The following POMT2 variants were observed in gnomAD, a reference collection of about 807,000 sequenced individuals.
The protein encoded by POMT2 is protein O-mannosyl-transferase 2.
A neutral mutation model predicts 100.0 loss-of-function variants in POMT2; 75 were observed. That is an observed-to-expected ratio of 0.75 (90% CI 0.62 to 0.91). POMT2 has a LOEUF of 0.91. POMT2 is among the 40% of genes least tolerant of loss of function. The pLI is 0.00. For missense variants in POMT2, 940 were observed against 955.1 expected (o/e 0.98, Z 0.21); for synonymous variants, 378 against 374.1 (o/e 1.01, Z -0.12).
At chr14:77,313,648 CTGTT>C (rs1490263997) in intron 1 of POMT2, among the ~76,000 whole-genome samples, 2 of 152,188 alleles carry the variant, frequency 1.3e-5, no homozygotes, top group African/African-American at 4.8e-5. Context: ...GTTTTTAAAT[CTGTT>C]TGGGAACATA....
chr14:77,280,485 A>G lies in POMT2; in HGVS notation c.1654-22T>C. ...TCCCCTGCATGAAGGTAGCAAAGAA[A>G]GCTAGTCAAGACAGAGATCTAGAGG... On this transcript the variant is annotated intron_variant, in intron 15 of 20. Coordinates refer to ENST00000261534, the MANE Select transcript of POMT2 (RefSeq NM_013382.7). 1.9e-6 allele frequency: 3 copies of G among 1,614,180 alleles called. No homozygotes were observed. The South Asian group carries it at 3.3e-5, about 18-fold the overall frequency.
intron 1 of POMT2, 164 bp from the exon 2 acceptor site, chr14:77,312,197 AAGAC>A (rs1891461046): frequency 1.6e-6 from 2 of 1,227,288 alleles, no homozygotes; most frequent in East Asian, 5.6e-5. Flanking sequence ...TTTAGGAAGA[AAGAC>A]ATCAAGCTGG....
chr14:77,285,279 C>A, intron 13 of POMT2: 1 of 752,520 alleles, frequency 1.3e-6, no homozygotes. Flanking sequence ...AAATGTTGAA[C>A]TATCAGAACA....
At chr14:77,299,423 G>A in intron 7 of POMT2, 32 bp downstream of exon 7, 2 of 1,593,502 alleles carry the variant, frequency 1.3e-6, no homozygotes, top group Non-Finnish European at 1.7e-6. Flanking sequence ...AGGAAAACCA[G>A]AAGCAAGATG....
intron 8 of POMT2, among the ~76,000 whole-genome samples, chr14:77,296,980 TCA>T (rs1890854919): frequency 2.6e-5 from 4 of 152,348 alleles, no homozygotes; most frequent in South Asian, 4.1e-4. Context: ...GAAGATGGCT[TCA>T]CACACTGACA....
At chr14:77,308,104 C>T (rs1891292214) in intron 2 of POMT2, among the ~76,000 whole-genome samples, 1 of 151,270 alleles carries the variant, frequency 6.6e-6, no homozygotes, top group Admixed American at 6.6e-5. Flanking sequence ...TCATGATCCA[C>T]CCGCCTCAGC....
intron 1 of POMT2, among the ~76,000 whole-genome samples, chr14:77,319,779 C>T (rs909828671): frequency 6.6e-6 from 1 of 152,226 alleles, no homozygotes; most frequent in Non-Finnish European, 1.5e-5. Flanking sequence ...GGAGTCTCAT[C>T]TTCTGCCAGC....
intron 5 of POMT2, among the ~76,000 whole-genome samples, chr14:77,302,581 G>A (rs992158329): frequency 3.9e-5 from 6 of 151,998 alleles, no homozygotes; most frequent in East Asian, 3.8e-4. Flanking sequence ...ATAATAATAC[G>A]CTTGAAAAAG....
chr14:77,308,709 A>G, intron 2 of POMT2: 1 of 430,056 alleles, frequency 2.3e-6, no homozygotes, highest in Non-Finnish European at 4.6e-6. Context: ...GTGGGGAAGA[A>G]AGCACTGTCA....
rs4540995 is a variant in POMT2, at chr14:77,280,469, T to G, written c.1654-6A>C. 12 of 1,614,074 alleles carry G rather than the reference T, an allele frequency of 7.4e-6. No homozygotes were observed. In the Admixed American group the frequency reaches 1.0e-4, roughly 13 times the overall value. On this transcript the variant is annotated splice_region_variant and splice_polypyrimidine_tract_variant and intron_variant, in intron 15 of 20. Transcript: ENST00000261534. ...GGTTTGAGGCCACTGTTCCCCTGCA[T>G]GAAGGTAGCAAAGAAAGCTAGTCAA...
At chr14:77,287,102 G>A (rs943123413) in intron 11 of POMT2, 2 of 459,250 alleles carry the variant, frequency 4.4e-6, no homozygotes, top group South Asian at 4.2e-5. Flanking sequence ...GAGGTGGGGG[G>A]CGACTTTCAC....
intron 1 of POMT2, among the ~76,000 whole-genome samples, chr14:77,314,428 C>A (rs1891553385): frequency 6.6e-6 from 1 of 152,212 alleles, no homozygotes; most frequent in African/African-American, 2.4e-5. Flanking sequence ...AAGACTTTGT[C>A]TTCTGTCAGC....
At chr14:77,286,627 G>A in intron 12 of POMT2, 117 bp downstream of exon 12, 3 of 1,452,614 alleles carry the variant, frequency 2.1e-6, no homozygotes, top group South Asian at 1.2e-5. Flanking sequence ...GAGTCCCTGT[G>A]CAGCCTCTTA....
At chr14:77,285,332 A>G in intron 13 of POMT2, 149 bp downstream of exon 13, 1 of 1,079,148 alleles carries the variant, frequency 9.3e-7, no homozygotes, top group Non-Finnish European at 1.3e-6. Flanking sequence ...GCTCCATAAT[A>G]CACCTGATAT....
At chr14:77,315,966 G>A (rs528132415) in intron 1 of POMT2, among the ~76,000 whole-genome samples, 35 of 152,198 alleles carry the variant, frequency 2.3e-4, no homozygotes, top group Non-Finnish European at 4.1e-4. Flanking sequence ...AGCTGAAATT[G>A]CGCCACTGCA....
At chr14:77,298,620 G>C (rs1890913854) in intron 8 of POMT2, 69 bp downstream of exon 8, 13 of 1,533,348 alleles carry the variant, frequency 8.5e-6, no homozygotes, top group Non-Finnish European at 1.1e-5. Flanking sequence ...CATCATATTT[G>C]TCTTTTCCAA....
chr14:77,299,672 A>T, intron 6 of POMT2, 111 bp from the exon 7 acceptor site: 1 of 857,350 alleles, frequency 1.2e-6, no homozygotes, highest in Non-Finnish European at 1.9e-6. Context: ...ATCATAAAAA[A>T]TGGCCAAGAG....
intron 5 of POMT2, among the ~76,000 whole-genome samples, chr14:77,302,532 A>C (rs1891078489): frequency 6.6e-6 from 1 of 152,242 alleles, no homozygotes; most frequent in Admixed American, 6.5e-5. Flanking sequence ...ATGATATCCC[A>C]AAACCCCTAC....
chr14:77,294,032 C>T (rs1286596720), intron 9 of POMT2, among the ~76,000 whole-genome samples: 5 of 152,158 alleles, frequency 3.3e-5, no homozygotes, highest in Admixed American at 2.6e-4. Flanking sequence ...TGGGCCTCAT[C>T]CTAGATCAAT....
Sources: allele counts gnomAD v4.1 joint callset (sites outside exome capture counted in the v4.1 genomes callset), GRCh38; gene constraint gnomAD v4.1.1; transcripts MANE v1.5; gene names NCBI Gene and HGNC (gene_info 2026-07-23, HGNC 2026-07-21).